The following NRDC variants were observed in gnomAD, a reference collection of about 807,000 sequenced individuals.
NRDC encodes nardilysin convertase.
A neutral mutation model predicts 147.1 loss-of-function variants in NRDC; 54 were observed. The ratio of observed to expected loss-of-function variants is 0.37; its 90% CI spans 0.29 to 0.46. NRDC has a LOEUF of 0.46. Ranked by LOEUF, NRDC falls within the 20% of genes least tolerant of loss-of-function variation. The pLI is 1.00. For synonymous variants in NRDC, 440 were observed against 482.1 expected, an observed-to-expected ratio of 0.91 and a Z score of 1.14; for missense variants, 1,082 against 1,370.6, an observed-to-expected ratio of 0.79 and a Z score of 3.33.
rs548800206 is a variant in NRDC, at chr1:51,825,214, T to C, written c.1036+73A>G. ...GGGACTCTAGCTTTATAATTTTCAA[T>C]TCTTTATCAACTTTTCTTATTCTAA... On this transcript the variant is annotated intron_variant, in intron 6 of 30. Coordinates refer to ENST00000352171, the MANE Select transcript of NRDC (RefSeq NM_001101662.2). 67 of 1,041,204 alleles carry C rather than the reference T, an allele frequency of 6.4e-5. 1 individual carries two copies. The South Asian group carries it at 9.0e-4, about 14-fold the overall frequency. 64.5% of individuals were successfully genotyped at this position (1,041,204 alleles called of 1,614,324 possible).
In NRDC at chr1:51,816,259, T is replaced by C. The variant is rs536628156; in HGVS notation, c.1439+53A>G. 3.4e-6 allele frequency: 4 copies of C among 1,171,200 alleles called. No homozygotes were observed. The South Asian group carries it at 4.5e-5, about 13-fold the overall frequency. The allele number at this position is 1,171,200 out of a possible 1,614,324, so 72.6% of individuals were successfully genotyped here. A position where few individuals can be genotyped will look rare whatever the true frequency, so the allele number is the denominator to read the frequency against. On this transcript the variant is annotated intron_variant, in intron 11 of 30. Transcript: ENST00000352171. ...AATGCATTATATAATACTTATTGTC[T>C]ACTATTTTTCAGAGATTGCTATACT...
At position 51,806,750 on chromosome 1, in the gene NRDC, A is replaced by G. The variant is rs769002859; in HGVS notation, c.2110+44T>C. ...ATGTGAAACAGAGCATCTAAAGAGA[A>G]CACTGGAATTCAGCAGGGAAGTAAC... is the stretch of plus-strand genomic sequence containing the variant. On this transcript the variant is annotated intron_variant, in intron 18 of 30. Coordinates refer to ENST00000352171, the MANE Select transcript of NRDC (RefSeq NM_001101662.2). The G allele has an allele frequency of 3.8e-6, 6 of 1,570,166 alleles. No homozygotes were observed. The Admixed American group carries it at 1.0e-4, about 27-fold the overall frequency.
At chr1:51,868,806 G>A (rs190318501) in intron 1 of NRDC, among the ~76,000 whole-genome samples, 157 of 152,262 alleles carry the variant, frequency 1.0e-3, no homozygotes, top group Middle Eastern at 6.8e-3. Flanking sequence ...CTGGGAGGTG[G>A]AGGTTGCAGT....
chr1:51,821,779 T>C (rs1390274250), intron 7 of NRDC, among the ~76,000 whole-genome samples: 1 of 152,164 alleles, frequency 6.6e-6, no homozygotes, highest in East Asian at 1.9e-4. Flanking sequence ...TATTTCTCCC[T>C]GGTAAAGTCA....
In NRDC at chr1:51,878,521, G is replaced by C. The variant is rs1398754757; in HGVS notation, c.95C>G (p.Thr32Arg). 6.2e-7 allele frequency: 1 copy of C among 1,613,702 alleles called. No homozygotes were observed. The highest frequency in any genetic ancestry group is 1.7e-5 in the Admixed American group (1 of 59,954). The change falls in exon 1 of 31, where the codon ACG becomes AGG. Residue 32 changes from threonine to arginine, a missense_variant. By Grantham distance (71) the Thr-to-Arg change is moderately conservative. Transcript: ENST00000352171. ...RELAALWGIETRGRCEDSAAA... is the reference protein window; with the variant it reads ...RELAALWGIERRGRCEDSAAA... ...AGCAGAGTCTTCGCACCGACCCCGCGTTTCGATTCCCCAGAGCGCCGCGAG... is the reference window on the plus strand; with the variant it reads ...AGCAGAGTCTTCGCACCGACCCCGCCTTTCGATTCCCCAGAGCGCCGCGAG...
chr1:51,862,630 G>A (rs1682597523), intron 1 of NRDC, among the ~76,000 whole-genome samples: 1 of 151,824 alleles, frequency 6.6e-6, no homozygotes, highest in Non-Finnish European at 1.5e-5. Context: ...AGGCTGAGGT[G>A]GGAGGATCAC....
At position 51,878,450 on chromosome 1, in the gene NRDC, C is replaced by T; in HGVS notation, c.166G>A (p.Ala56Thr). ...PILAMPGRNKAKSTCSCPDLQ... is the reference protein window; with the variant it reads ...PILAMPGRNKTKSTCSCPDLQ... ...TCAGGGCAGCTGCAGGTAGACTTCG[C>T]CTTGTTCCTTCCAGGCATGGCCAGA... Residue 56 changes from alanine to threonine, a missense_variant, in exon 1 of 31, where the codon GCG becomes ACG. Physicochemically the swap from Ala to Thr is moderately conservative, Grantham distance 58. Transcript: ENST00000352171. The T allele has an allele frequency of 1.9e-6, 3 of 1,614,070 alleles. No homozygotes were observed. Among genetic ancestry groups the T allele is most frequent in the Non-Finnish European group, 2.5e-6 (3 of 1,180,032 alleles).
intron 18 of NRDC, 57 bp downstream of exon 18, chr1:51,806,737 G>T (rs759671128): frequency 1.3e-5 from 20 of 1,506,822 alleles, no homozygotes; most frequent in Non-Finnish European, 1.6e-5. Flanking sequence ...GTGAAACAGA[G>T]CATCTAAAGA....
intron 1 of NRDC, among the ~76,000 whole-genome samples, chr1:51,840,919 C>T (rs1016681228): frequency 1.3e-5 from 2 of 152,134 alleles, no homozygotes; most frequent in South Asian, 4.1e-4. Flanking sequence ...TTGTATCCCT[C>T]AATATACAGA....
At chr1:51,852,839 A>G (rs1682041840) in intron 1 of NRDC, among the ~76,000 whole-genome samples, 1 of 152,150 alleles carries the variant, frequency 6.6e-6, no homozygotes, top group African/African-American at 2.4e-5. Flanking sequence ...CAGGTAACCT[A>G]TAGATATATC....
chr1:51,845,866 A>C (rs1172041027), intron 1 of NRDC, among the ~76,000 whole-genome samples: 1 of 152,200 alleles, frequency 6.6e-6, no homozygotes, highest in Non-Finnish European at 1.5e-5. Flanking sequence ...TGAATAAACA[A>C]AAGAATGTTA....
rs545691192 is a variant in NRDC at position 51,794,658 on chromosome 1, A to T, written c.2637-48T>A. ...CACTGAGGCACCCAAAAACTATAAGAAGCTAGGCCTTCTAACTTTTCAATT... is the reference window on the plus strand; with the variant it reads ...CACTGAGGCACCCAAAAACTATAAGTAGCTAGGCCTTCTAACTTTTCAATT... On this transcript the variant is annotated intron_variant, in intron 23 of 30. Transcript: ENST00000352171. 3 of 1,605,384 alleles carry T rather than the reference A, an allele frequency of 1.9e-6. No homozygotes were observed. In the Admixed American group the frequency reaches 5.1e-5, roughly 27 times the overall value.
chr1:51,848,584 C>A (rs1681775244), intron 1 of NRDC, among the ~76,000 whole-genome samples: 1 of 151,928 alleles, frequency 6.6e-6, no homozygotes. Flanking sequence ...AAAACAAAAC[C>A]CAAAAACTAT....
intron 18 of NRDC, among the ~76,000 whole-genome samples, chr1:51,806,406 A>C (rs1038237290): frequency 2.6e-5 from 4 of 152,160 alleles, no homozygotes; most frequent in Admixed American, 2.6e-4. Context: ...GAAAGAAAAA[A>C]ATCTAAAAAC....
At chr1:51,809,012 A>G (rs975264628) in intron 17 of NRDC, among the ~76,000 whole-genome samples, 1 of 152,190 alleles carries the variant, frequency 6.6e-6, no homozygotes, top group African/African-American at 2.4e-5. Context: ...GCAATCCCTA[A>G]GGAGATTGGT....
intron 5 of NRDC, among the ~76,000 whole-genome samples, chr1:51,826,486 A>G (rs1213952669): frequency 1.3e-5 from 2 of 152,248 alleles, no homozygotes; most frequent in East Asian, 3.8e-4. Flanking sequence ...TAGAGACTGC[A>G]CTTTGACACA....
At chr1:51,792,847 C>G (rs2149184941) in intron 24 of NRDC, among the ~76,000 whole-genome samples, 1 of 152,272 alleles carries the variant, frequency 6.6e-6, no homozygotes, top group Non-Finnish European at 1.5e-5. Context: ...AGAACCAGTG[C>G]CACATAAAAG....
chr1:51,833,069 T>C (rs1395612107), intron 4 of NRDC, among the ~76,000 whole-genome samples: 7 of 152,346 alleles, frequency 4.6e-5, no homozygotes, highest in Admixed American at 1.3e-4. Flanking sequence ...GATGGGTCTA[T>C]ACCAAAACAT....
Position 51,878,402 on chromosome 1 carries a change from G to C in NRDC, c.214C>G (p.Leu72Val). The change falls in exon 1 of 31, where the codon CTG (leucine) becomes GTG (valine). Residue 72 changes from leucine to valine, a missense_variant. Around this residue, in one of 3 missense-constraint regions of NRDC, gnomAD observed 260 missense variants for 253.2 expected, o/e 1.03. Coordinates refer to ENST00000352171, the MANE Select transcript of NRDC (RefSeq NM_001101662.2). ...CPDLQPNGQD[L>V]GENSRVARLG... is the part of the protein sequence containing the mutation. ...CGGGCAACCCGGCTGTTCTCGCCCAGATCCTGTCCATTGGGCTGCAGGTCA... is the reference window on the plus strand; with the variant it reads ...CGGGCAACCCGGCTGTTCTCGCCCACATCCTGTCCATTGGGCTGCAGGTCA... 3.1e-6 allele frequency: 5 copies of C among 1,614,140 alleles called. No homozygotes were observed. The highest frequency in any genetic ancestry group is 4.2e-6 in the Non-Finnish European group (5 of 1,180,044).
Sources: allele counts gnomAD v4.1 joint callset (sites outside exome capture counted in the v4.1 genomes callset), GRCh38; gene constraint gnomAD v4.1.1; regional missense constraint gnomAD v4.1.1; transcripts MANE v1.5; gene names NCBI Gene and HGNC (gene_info 2026-07-23, HGNC 2026-07-21).